Variants in ZNF536 observed in about 807,000 individuals in gnomAD.
The protein encoded by ZNF536 is zinc finger protein 536.
Under a neutral mutation model 84.5 loss-of-function variants are expected in ZNF536, and 13 were observed. The observed-to-expected ratio is 0.15, with a 90% confidence interval of 0.10 to 0.24. The LOEUF is 0.24. ZNF536 is among the 10% of genes least tolerant of loss of function. ZNF536 has a pLI of 1.00. For synonymous variants in ZNF536, 811 were observed against 742.5 expected, an observed-to-expected ratio of 1.09 and a Z score of -1.50; for missense variants, 1,536 against 1,747.5, an observed-to-expected ratio of 0.88 and a Z score of 2.16.
chr19:30,507,544 C>G (rs990156331), intron 2 of ZNF536, among the ~76,000 whole-genome samples: 1 of 152,012 alleles, frequency 6.6e-6, no homozygotes, highest in African/African-American at 2.4e-5. Context: ...GAGACAGAAA[C>G]TTAGAGTTTG....
chr19:30,359,886 A>G (rs1202301520), intron 3 of ZNF536, among the ~76,000 whole-genome samples: 1 of 152,092 alleles, frequency 6.6e-6, no homozygotes, highest in African/African-American at 2.4e-5. Flanking sequence ...CAGGGCCTAC[A>G]CTGACCCTGG....
intron 2 of ZNF536, among the ~76,000 whole-genome samples, chr19:30,311,616 TTC>T (rs146108019): frequency 4.9e-4 from 73 of 149,280 alleles, no homozygotes; most frequent in Admixed American, 4.7e-4. Context: ...TTACATCAAC[TTC>T]TCTCTCTCTC....
rs2148158005 is a variant in ZNF536 at position 30,443,873 on chromosome 19, A to G, written c.311A>G (p.Gln104Arg). 1 of 1,613,654 alleles carries G rather than the reference A, an allele frequency of 6.2e-7. No individual in the cohort carries two copies. The highest frequency in any genetic ancestry group is 1.3e-5 in the African/African-American group (1 of 75,078). Reference sequence around the variant, plus strand: ...CTCAACGGGAGGGTGGACTTGCAGCAGTTCCTCAACGGGCAGAACCTGGGC... The same window carrying G: ...CTCAACGGGAGGGTGGACTTGCAGCGGTTCCTCAACGGGCAGAACCTGGGC... ...TSLNGRVDLQQFLNGQNLGIM... is the reference protein window; with the variant it reads ...TSLNGRVDLQRFLNGQNLGIM... Residue 104 changes from glutamine to arginine, a missense_variant, in exon 2 of 5, where the codon CAG becomes CGG. Around this residue, in one of 8 missense-constraint regions of ZNF536, gnomAD observed 161 missense variants for 178.5 expected, o/e 0.90. Coordinates refer to ENST00000355537, the MANE Select transcript of ZNF536 (RefSeq NM_014717.3).
At chr19:30,584,841 A>G (rs1464120305) in intron 1 of ZNF536, among the ~76,000 whole-genome samples, 4 of 152,172 alleles carry the variant, frequency 2.6e-5, no homozygotes, top group Non-Finnish European at 4.4e-5. Flanking sequence ...CACGCCTGCA[A>G]TCCCTGCACT....
At chr19:30,351,049 G>A (rs1044991327) in intron 2 of ZNF536, among the ~76,000 whole-genome samples, 4 of 152,190 alleles carry the variant, frequency 2.6e-5, no homozygotes, top group Admixed American at 1.3e-4. Context: ...GAAAAATAAA[G>A]ACGGGGAATA....
At chr19:30,439,448 C>T (rs753813930) in intron 1 of ZNF536, among the ~76,000 whole-genome samples, 3 of 152,124 alleles carry the variant, frequency 2.0e-5, no homozygotes, top group Middle Eastern at 6.3e-3. Context: ...AGTCCCAGGC[C>T]GGGCCTGGGG....
intron 2 of ZNF536, among the ~76,000 whole-genome samples, chr19:30,305,368 G>A (rs556668279): frequency 6.6e-6 from 1 of 152,300 alleles, no homozygotes; most frequent in Admixed American, 6.5e-5. Context: ...TACAAAACAA[G>A]GAAGGAAAAT....
chr19:30,368,403 A>G (rs540315763), upstream of ZNF536, among the ~76,000 whole-genome samples: 2 of 152,314 alleles, frequency 1.3e-5, no homozygotes. Context: ...CCATCTGTCT[A>G]CACAGAAACC....
intron 1 of ZNF536, among the ~76,000 whole-genome samples, chr19:30,658,210 CAG>C (rs1250741893): frequency 6.6e-6 from 1 of 152,058 alleles, no homozygotes; most frequent in East Asian, 1.9e-4. Context: ...TTAGTAGAGA[CAG>C]GGATTCATCA....
At chr19:30,672,786 C>CA (rs2147744589) in intron 1 of ZNF536, among the ~76,000 whole-genome samples, 1 of 152,214 alleles carries the variant, frequency 6.6e-6, no homozygotes, top group South Asian at 2.1e-4. Flanking sequence ...GAGAAGATCC[C>CA]AGGAAGTACA....
chr19:30,361,296 C>T (rs768266910), intron 3 of ZNF536, among the ~76,000 whole-genome samples: 2 of 152,232 alleles, frequency 1.3e-5, no homozygotes, highest in African/African-American at 2.4e-5. Context: ...GATGCTGCTA[C>T]TGCTGCTGGA....
At chr19:30,563,343 G>A (rs1408297752) in intron 1 of ZNF536, among the ~76,000 whole-genome samples, 3 of 152,126 alleles carry the variant, frequency 2.0e-5, no homozygotes, top group Non-Finnish European at 4.4e-5. Flanking sequence ...CCATTCTTGC[G>A]ATGGACAGAC....
chr19:30,628,777 C>A (rs1423698511), intron 1 of ZNF536, among the ~76,000 whole-genome samples: 1 of 152,124 alleles, frequency 6.6e-6, no homozygotes, highest in East Asian at 1.9e-4. Context: ...CGGCTCACTG[C>A]AACCTCCACC....
intron 1 of ZNF536, among the ~76,000 whole-genome samples, chr19:30,611,803 G>C (rs2048114247): frequency 6.6e-6 from 1 of 152,278 alleles, no homozygotes. Context: ...TAATAACAGT[G>C]TTTATAAAAT....
chr19:30,684,690 G>A (rs1257111847), intron 1 of ZNF536, among the ~76,000 whole-genome samples: 2 of 152,172 alleles, frequency 1.3e-5, no homozygotes, highest in Non-Finnish European at 2.9e-5. Flanking sequence ...GCTTGGTTCG[G>A]TCATTCTGTG....
In ZNF536 at chr19:30,557,648, T is replaced by C. The variant is rs1319470495; in HGVS notation, c.*484T>C. 6.5e-6 allele frequency: 1 copy of C among 152,822 alleles called. No individual in the cohort carries two copies. Among genetic ancestry groups the C allele is most frequent in the African/African-American group, 2.4e-5 (1 of 41,502 alleles). 9.5% of individuals were successfully genotyped at this position (152,822 alleles called of 1,614,324 possible). On this transcript the variant is annotated 3_prime_UTR_variant, in exon 5 of 5. Coordinates refer to ENST00000355537, the MANE Select transcript of ZNF536 (RefSeq NM_014717.3). ...AGAAGAATACAGAAAAGTGCAGTAA[T>C]TCTCTTTCTCCATAGTATTTAAGCA...
chr19:30,384,098 C>CTCTT (rs749685060), intron 1 of ZNF536, among the ~76,000 whole-genome samples: 1,306 of 86,488 alleles, frequency 0.015, 45 homozygotes, highest in East Asian at 0.047. Flanking sequence ...CCACCTCTTT[C>CTCTT]TCTTTCTTTC....
chr19:30,231,454 G>A (rs145297617), intron 1 of ZNF536, among the ~76,000 whole-genome samples: 1 of 152,332 alleles, frequency 6.6e-6, no homozygotes, highest in Non-Finnish European at 1.5e-5. Flanking sequence ...CACCTGCTGT[G>A]CACACTGGCA....
chr19:30,430,462 A>G (rs1481177032), intron 1 of ZNF536, among the ~76,000 whole-genome samples: 1 of 152,164 alleles, frequency 6.6e-6, no homozygotes, highest in East Asian at 1.9e-4. Context: ...AACAAACCCA[A>G]CCTAATGTAG....
Sources: gnomAD v4.1 joint callset for allele counts (sites outside exome capture counted in the v4.1 genomes callset) on GRCh38, gnomAD v4.1.1 for gene constraint, gnomAD v4.1.1 regional missense constraint, MANE v1.5 for transcripts, NCBI Gene and HGNC (gene_info 2026-07-23, HGNC 2026-07-21) for gene names.